The following IRAK3 variants were observed in gnomAD, a reference collection of about 807,000 sequenced individuals.
IRAK3 encodes interleukin 1 receptor associated kinase 3.
In IRAK3, 57 loss-of-function variants were observed where a neutral mutation model predicts 56.6. The observed-to-expected ratio is 1.01, with a 90% CI of 0.81 to 1.26. IRAK3 has a LOEUF of 1.26. IRAK3 is among the 50% of genes most tolerant of loss of function. The pLI is 0.00. For synonymous variants in IRAK3, 258 were observed against 255.7 expected, an observed-to-expected ratio of 1.01 and a Z score of -0.09; for missense variants, 703 against 719.0, an observed-to-expected ratio of 0.98 and a Z score of 0.25.
rs1237314016 is a variant in IRAK3 at position 66,210,041 on chromosome 12, C to T, written c.382-106C>T. 15 of 718,944 alleles carry T rather than the reference C, an allele frequency of 2.1e-5. No individual in the cohort carries two copies. The East Asian group carries it at 3.5e-4, about 17-fold the overall frequency. 44.5% of individuals were successfully genotyped at this position (718,944 alleles called of 1,614,324 possible). On this transcript the variant is annotated intron_variant, in intron 3 of 11. Coordinates refer to ENST00000261233, the MANE Select transcript of IRAK3 (RefSeq NM_007199.3). ...TAGCTTTCTTTTAAATTAGGTTGCA[C>T]TCTGTTGCACTGCATAGTCCCCAGG...
chr12:66,202,261 C>A (rs1466156861), intron 1 of IRAK3, among the ~76,000 whole-genome samples: 1 of 152,128 alleles, frequency 6.6e-6, no homozygotes, highest in Non-Finnish European at 1.5e-5. Flanking sequence ...TTTCCTTGCT[C>A]TGTGCTCTTG....
At chr12:66,244,119 G>C (rs2053001601) in intron 8 of IRAK3, among the ~76,000 whole-genome samples, 1 of 152,178 alleles carries the variant, frequency 6.6e-6, no homozygotes, top group African/African-American at 2.4e-5. Context: ...CACATAATCA[G>C]CTGATTAAAA....
intron 2 of IRAK3, among the ~76,000 whole-genome samples, chr12:66,206,123 G>A (rs994293067): frequency 1.3e-5 from 2 of 152,102 alleles, no homozygotes; most frequent in African/African-American, 2.4e-5. Context: ...TGACAATGAA[G>A]GATTCTCTCT....
At chr12:66,242,798 G>A (rs1425884603) in intron 8 of IRAK3, among the ~76,000 whole-genome samples, 1 of 152,242 alleles carries the variant, frequency 6.6e-6, no homozygotes. Context: ...CGGGGTCTGG[G>A]CGCAGTAGCT....
intron 1 of IRAK3, among the ~76,000 whole-genome samples, chr12:66,196,434 G>A (rs1454521566): frequency 1.3e-5 from 2 of 152,174 alleles, no homozygotes; most frequent in Admixed American, 1.3e-4. Flanking sequence ...AGGGAAGAAT[G>A]TGTGGGGAAA....
chr12:66,231,805 G>A (rs1565808782), intron 8 of IRAK3, among the ~76,000 whole-genome samples: 1 of 152,248 alleles, frequency 6.6e-6, no homozygotes, highest in East Asian at 1.9e-4. Context: ...ACAGAAGAAT[G>A]AGGACTGTGG....
At chr12:66,202,663 G>A (rs1469295603) in intron 1 of IRAK3, among the ~76,000 whole-genome samples, 1 of 151,896 alleles carries the variant, frequency 6.6e-6, no homozygotes, top group Non-Finnish European at 1.5e-5. Context: ...TGCTGGGCAT[G>A]GTGGTGCAGT....
intron 1 of IRAK3, among the ~76,000 whole-genome samples, chr12:66,193,085 G>A (rs539480645): frequency 3.3e-5 from 5 of 151,922 alleles, no homozygotes; most frequent in South Asian, 2.1e-4. Flanking sequence ...TCAGTTTACC[G>A]CAACCTCCGC....
intron 8 of IRAK3, chr12:66,234,131 T>A: frequency 6.2e-7 from 1 of 1,614,224 alleles, no homozygotes; most frequent in Non-Finnish European, 8.5e-7. Context: ...GACAGCCACC[T>A]GCTGTTGACC....
chr12:66,226,099 G>C (rs552064100), intron 6 of IRAK3, among the ~76,000 whole-genome samples: 1 of 152,130 alleles, frequency 6.6e-6, no homozygotes, highest in South Asian at 2.1e-4. Flanking sequence ...GAATAGTGTT[G>C]TCTATCTTTT....
At position 66,189,305 on chromosome 12, in the gene IRAK3, G is replaced by T; in HGVS notation, c.6G>T (p.Ala2=). M[A]GNCGARGALS... ...GGGGCTCGGGCAGCCGAGCCATGGC[G>T]GGGAACTGTGGGGCCCGCGGCGCGC... Residue 2 remains alanine, a synonymous_variant, in exon 1 of 12, where the codon GCG becomes GCT. Transcript: ENST00000261233. The T allele has an allele frequency of 6.5e-7, 1 of 1,535,440 alleles. No homozygotes were observed. Among genetic ancestry groups the T allele is most frequent in the South Asian group, 1.2e-5 (1 of 84,194 alleles).
chr12:66,219,645 T>G (rs2052711592), intron 6 of IRAK3, among the ~76,000 whole-genome samples: 1 of 152,214 alleles, frequency 6.6e-6, no homozygotes, highest in African/African-American at 2.4e-5. Context: ...CCATTATGGC[T>G]GTACCACTTT....
chr12:66,233,379 A>G (rs989790621), intron 8 of IRAK3, among the ~76,000 whole-genome samples: 1 of 152,154 alleles, frequency 6.6e-6, no homozygotes, highest in Non-Finnish European at 1.5e-5. Flanking sequence ...TTAGCCGGGC[A>G]TAGTGGCGGG....
chr12:66,218,277 T>C (rs1356983289), intron 6 of IRAK3, among the ~76,000 whole-genome samples: 1 of 152,244 alleles, frequency 6.6e-6, no homozygotes, highest in Non-Finnish European at 1.5e-5. Context: ...TTTCATATTC[T>C]ATTATATTCT....
chr12:66,193,327 T>A (rs972052191), intron 1 of IRAK3, among the ~76,000 whole-genome samples: 3 of 152,136 alleles, frequency 2.0e-5, no homozygotes, highest in Middle Eastern at 3.2e-3. Context: ...TGTATTTTTT[T>A]AAGAACAGTT....
chr12:66,199,082 G>A (rs1319570955), intron 1 of IRAK3, among the ~76,000 whole-genome samples: 2 of 152,182 alleles, frequency 1.3e-5, no homozygotes, highest in Non-Finnish European at 1.5e-5. Context: ...AATAGAAAAT[G>A]TGGAAACCTA....
At chr12:66,193,375 G>T (rs956551064) in intron 1 of IRAK3, among the ~76,000 whole-genome samples, 2 of 152,160 alleles carry the variant, frequency 1.3e-5, no homozygotes, top group African/African-American at 2.4e-5. Context: ...AGTAGGAAGA[G>T]TTCCCAGATA....
rs188742622 is a variant in IRAK3 at position 66,197,712 on chromosome 12, A to G, written c.134-5999A>G. The G allele has an allele frequency of 4.6e-4, 456 of 985,418 alleles. 7 individuals carry two copies. The South Asian group carries it at 0.012, about 26-fold the overall frequency. 61.0% of individuals were successfully genotyped at this position (985,418 alleles called of 1,614,324 possible). On this transcript the variant is annotated intron_variant, in intron 1 of 11. Transcript: ENST00000261233. ...TCTAGCTTTCCTTAGATGTGATGCA[A>G]ACTCAGAACTATATGCCCCGGTCAA...
In IRAK3 at chr12:66,237,868, A is replaced by C. The variant is rs148165423; in HGVS notation, c.888-6618A>C. Among the ~76,000 whole-genome samples the C allele has an allele frequency of 7.5e-4, 115 of 152,382 alleles. 2 individuals are homozygous for C. The highest frequency in any genetic ancestry group is 2.9e-3 in the South Asian group (14 of 4,832). ...TTTAAGCCACATATTCACCATTCCT[A>C]TACTGAGTAGTCTAGGGCTACCCTC... On this transcript the variant is annotated intron_variant, in intron 8 of 11. Coordinates refer to ENST00000261233, the MANE Select transcript of IRAK3 (RefSeq NM_007199.3).
Sources: gnomAD v4.1 joint callset for allele counts (sites outside exome capture counted in the v4.1 genomes callset) on GRCh38, gnomAD v4.1.1 for gene constraint, MANE v1.5 for transcripts, NCBI Gene and HGNC (gene_info 2026-07-23, HGNC 2026-07-21) for gene names.